UHRF2: variants seen among roughly 807,000 people sequenced by gnomAD.
UHRF2 encodes ubiquitin like with PHD and ring finger domains 2.
Under a neutral mutation model 96.8 loss-of-function variants are expected in UHRF2, and 23 were observed. The observed-to-expected ratio is 0.24, with a 90% CI of 0.17 to 0.34. The LOEUF (loss-of-function observed/expected upper bound fraction) is 0.34. Ranked by LOEUF, UHRF2 falls within the 10% of genes least tolerant of loss-of-function variation. The pLI is 1.00. For missense variants in UHRF2, 685 were observed against 981.5 expected (o/e 0.70, Z 4.04); for synonymous variants, 385 against 332.6 (o/e 1.16, Z -1.72).
chr9:6,487,171 A>ATTTTTTATTTTTTATTTTTATTT (rs1824337943), intron 9 of UHRF2, among the ~76,000 whole-genome samples: 1 of 83,832 alleles, frequency 1.2e-5, no homozygotes, highest in African/African-American at 4.8e-5. Context: ...TAGAGCTTTT[A>ATTTTTTATTTTTTATTTTTATTT]TTTTTTTTTC....
intron 2 of UHRF2, among the ~76,000 whole-genome samples, chr9:6,424,484 T>G (rs1039607663): frequency 6.6e-6 from 1 of 152,204 alleles, no homozygotes; most frequent in Non-Finnish European, 1.5e-5. Context: ...TTTTACATTA[T>G]TACTTTTTTA....
At chr9:6,485,803 C>CAAAAA (rs57868028) in intron 8 of UHRF2, among the ~76,000 whole-genome samples, 682 of 56,558 alleles carry the variant, frequency 0.012, no homozygotes, top group East Asian at 0.028. Context: ...TGTCTCTACC[C>CAAAAA]AAAAAAAAAA....
chr9:6,498,173 G>T lies in UHRF2; in HGVS notation c.1908+15G>T. On this transcript the variant is annotated intron_variant, in intron 12 of 15. Coordinates refer to ENST00000276893, the MANE Select transcript of UHRF2 (RefSeq NM_152896.3). ...TACGTTTACAGGTTAGATTACATTT[G>T]TCTAGGCTGCCTGTGTGTTCATAAA... is the stretch of plus-strand genomic sequence containing the variant. 1 of 1,611,042 alleles carries T rather than the reference G, an allele frequency of 6.2e-7. No individual in the cohort carries two copies. Among genetic ancestry groups the T allele is most frequent in the East Asian group, 2.2e-5 (1 of 44,826 alleles).
intron 9 of UHRF2, among the ~76,000 whole-genome samples, chr9:6,489,192 G>C (rs1385166904): frequency 6.6e-6 from 1 of 152,126 alleles, no homozygotes; most frequent in Non-Finnish European, 1.5e-5. Flanking sequence ...CTTTAGGATT[G>C]GCTTTTTCCA....
intron 4 of UHRF2, among the ~76,000 whole-genome samples, chr9:6,466,759 T>C (rs1462905393): frequency 1.3e-5 from 2 of 152,254 alleles, no homozygotes. Flanking sequence ...CATGCTGGCC[T>C]CCTTGTGTTG....
chr9:6,428,599 G>C (rs1291486124), intron 2 of UHRF2, among the ~76,000 whole-genome samples: 1 of 121,968 alleles, frequency 8.2e-6, no homozygotes, highest in Non-Finnish European at 1.6e-5. Flanking sequence ...CACTTGGCTG[G>C]AGTGCAGTGG....
At chr9:6,470,649 C>G (rs546537115) in intron 4 of UHRF2, among the ~76,000 whole-genome samples, 25 of 151,918 alleles carry the variant, frequency 1.6e-4, no homozygotes, top group Admixed American at 5.9e-4. Flanking sequence ...AAAAAAAATG[C>G]GTGACAACAA....
In UHRF2 at chr9:6,460,755, G is replaced by C; in HGVS notation, c.827G>C (p.Arg276Thr). The part of the protein sequence containing the change: ...AEITTLKTIS[R>T]TKKELRVKIF... ...ATTACCACATTGAAGACAATCTCAA[G>C]GACCAAAAAAGAACTTCGTGTGAAA... is the stretch of plus-strand genomic sequence containing the variant. Residue 276 changes from arginine to threonine, a missense_variant, in exon 4 of 16, where the codon AGG becomes ACG. Physicochemically the swap from Arg to Thr is moderately conservative, Grantham distance 71 (BLOSUM62 -1). Transcript: ENST00000276893. 1 of 1,613,066 alleles carries C rather than the reference G, an allele frequency of 6.2e-7. No individual in the cohort carries two copies.
chr9:6,497,928 A>G, intron 11 of UHRF2, 90 bp from the exon 12 acceptor site: 2 of 1,488,692 alleles, frequency 1.3e-6, no homozygotes, highest in African/African-American at 1.4e-5. Context: ...AGTTGCATTT[A>G]GTTCTGGCAA....
intron 1 of UHRF2, among the ~76,000 whole-genome samples, chr9:6,419,294 G>A (rs1343272856): frequency 6.6e-6 from 1 of 152,124 alleles, no homozygotes; most frequent in Admixed American, 6.6e-5. Context: ...CCATGGATTA[G>A]GATTTCAACC....
chr9:6,494,108 C>T (rs1223774119), intron 10 of UHRF2, 176 bp downstream of exon 10: 2 of 539,406 alleles, frequency 3.7e-6, no homozygotes, highest in African/African-American at 1.9e-5. Context: ...TATCTTTATA[C>T]TGTTATTTTT....
At chr9:6,422,775 C>G (rs1820009688) in intron 2 of UHRF2, 1 of 426,372 alleles carries the variant, frequency 2.3e-6, no homozygotes, top group Admixed American at 4.2e-5. Flanking sequence ...GCCCGGCTAA[C>G]TTAGATCTTT....
At chr9:6,492,867 T>C (rs1268676667) in intron 9 of UHRF2, 1 of 141,758 alleles carries the variant, frequency 7.1e-6, no homozygotes, top group Non-Finnish European at 1.5e-5. Context: ...ATTTAGTAGA[T>C]ACTTTATACT....
rs1824092811 is a variant in UHRF2, at chr9:6,483,999, T to C, written c.1392+1900T>C. On this transcript the variant is annotated intron_variant, in intron 8 of 15. Transcript: ENST00000276893. The stretch of plus-strand genomic sequence containing the variant: ...CCACTGCACCCGGCTTCATCATCAT[T>C]TTCTGTTTCTCAGAGGCAGCCACTT... Among the ~76,000 whole-genome samples the C allele has an allele frequency of 2.0e-5, 3 of 152,086 alleles. No individual in the cohort carries two copies. The South Asian group carries it at 6.2e-4, about 31-fold the overall frequency.
rs529286861 is a variant in UHRF2 at position 6,488,586 on chromosome 9, C to T, written c.1497+1661C>T. Among the ~76,000 whole-genome samples, 395 of 112,868 alleles carry T rather than the reference C, an allele frequency of 3.5e-3. 5 individuals carry two copies. The highest frequency in any genetic ancestry group is 0.013 in the African/African-American group (363 of 27,710). 74.0% of individuals were successfully genotyped at this position (112,868 alleles called of 152,430 possible). A position where few individuals can be genotyped will look rare whatever the true frequency, so the allele number is the denominator to read the frequency against. ...TTTTGAGATGGAATCTTGCCCTTGT[C>T]GCCCAGCTTGGAGTGCAATGGCGCC... On this transcript the variant is annotated intron_variant, in intron 9 of 15. Coordinates refer to ENST00000276893, the MANE Select transcript of UHRF2 (RefSeq NM_152896.3).
intron 5 of UHRF2, among the ~76,000 whole-genome samples, chr9:6,477,299 C>A (rs1188707470): frequency 6.6e-6 from 1 of 151,274 alleles, no homozygotes; most frequent in Non-Finnish European, 1.5e-5. Context: ...TTGAGGCGGG[C>A]AGATCACCTG....
intron 1 of UHRF2, 185 bp downstream of exon 1, chr9:6,413,828 C>A: frequency 7.7e-6 from 5 of 649,552 alleles, no homozygotes; most frequent in East Asian, 3.6e-5. Flanking sequence ...GGGAGTGGGT[C>A]CCTGCCAGCC....
intron 3 of UHRF2, among the ~76,000 whole-genome samples, chr9:6,460,300 C>A (rs1488798414): frequency 2.0e-5 from 3 of 152,110 alleles, no homozygotes; most frequent in Non-Finnish European, 4.4e-5. Context: ...CACTTACTTG[C>A]CTGACAACCT....
At chr9:6,418,686 T>C (rs907004093) in intron 1 of UHRF2, among the ~76,000 whole-genome samples, 1 of 152,216 alleles carries the variant, frequency 6.6e-6, no homozygotes, top group Non-Finnish European at 1.5e-5. Context: ...GGGAAAGTGA[T>C]AGTTGTGGCC....
Sources: gnomAD v4.1 joint callset for allele counts (sites outside exome capture counted in the v4.1 genomes callset) on GRCh38, gnomAD v4.1.1 for gene constraint, MANE v1.5 for transcripts, NCBI Gene and HGNC (gene_info 2026-07-23, HGNC 2026-07-21) for gene names.